Variants in CCDC149 observed in about 807,000 individuals in gnomAD.
The protein encoded by CCDC149 is coiled-coil domain-containing protein 149.
In CCDC149, 45 loss-of-function variants were observed where a neutral mutation model predicts 59.9. That is an observed-to-expected ratio of 0.75 (90% confidence interval 0.59 to 0.96). CCDC149 has a LOEUF of 0.96. Among genes scored for constraint, CCDC149 ranks in the 40% least tolerant of loss-of-function variants. The probability of loss-of-function intolerance (pLI) is 0.00; values close to 1 mark genes in which losing one functional copy is unlikely to be tolerated. For missense variants in CCDC149, 584 were observed against 664.7 expected (o/e 0.88, Z 1.33); for synonymous variants, 245 against 260.6 (o/e 0.94, Z 0.58).
chr4:24,827,290 C>T (rs1039106163), intron 9 of CCDC149: 8 of 152,254 alleles, frequency 5.3e-5, no homozygotes, highest in Non-Finnish European at 1.0e-4. Flanking sequence ...CCTGAAGACG[C>T]CCCTGCTTGC....
intron 3 of CCDC149, among the ~76,000 whole-genome samples, chr4:24,861,883 C>T (rs1718412049): frequency 6.6e-6 from 1 of 152,094 alleles, no homozygotes; most frequent in African/African-American, 2.4e-5. Flanking sequence ...CTAAATGATG[C>T]CACTTTGGCA....
chr4:24,825,889 A>T (rs1044671394), intron 9 of CCDC149, among the ~76,000 whole-genome samples: 6 of 152,184 alleles, frequency 3.9e-5, no homozygotes, highest in Admixed American at 3.3e-4. Flanking sequence ...CCTACCTGCC[A>T]TATTGAGAAC....
intron 1 of CCDC149, among the ~76,000 whole-genome samples, chr4:24,922,851 C>T (rs1337406672): frequency 1.3e-5 from 2 of 152,082 alleles, no homozygotes; most frequent in East Asian, 1.9e-4. Context: ...TCTCAGATGC[C>T]GTGTCCTCGA....
intron 11 of CCDC149, 35 bp downstream of exon 11, chr4:24,821,020 T>C: frequency 8.3e-7 from 1 of 1,200,016 alleles, no homozygotes; most frequent in Non-Finnish European, 1.0e-6. Context: ...CTGCTGATAT[T>C]AGCCACAAAA....
chr4:24,943,674 C>A (rs1344778720), intron 1 of CCDC149, among the ~76,000 whole-genome samples: 19 of 152,256 alleles, frequency 1.2e-4, no homozygotes, highest in South Asian at 8.3e-4. Context: ...TCATCTGACA[C>A]AGGGCTAATA....
intron 1 of CCDC149, among the ~76,000 whole-genome samples, chr4:24,882,378 T>C (rs2109263062): frequency 6.6e-6 from 1 of 152,332 alleles, no homozygotes; most frequent in Non-Finnish European, 1.5e-5. Context: ...GAGTTTTCTG[T>C]AAGCTATAGT....
At chr4:24,908,750 C>T (rs1274312973) in intron 1 of CCDC149, among the ~76,000 whole-genome samples, 1 of 152,216 alleles carries the variant, frequency 6.6e-6, no homozygotes, top group Non-Finnish European at 1.5e-5. Context: ...TGGGCGGAGG[C>T]CCATGGTTAA....
At chr4:24,842,478 A>G (rs1330815805) in intron 4 of CCDC149, among the ~76,000 whole-genome samples, 1 of 152,166 alleles carries the variant, frequency 6.6e-6, no homozygotes, top group Admixed American at 6.5e-5. Context: ...AGGGCCATCA[A>G]AACTGCACAG....
chr4:24,955,702 G>T (rs1340718019), intron 1 of CCDC149, among the ~76,000 whole-genome samples: 4 of 152,184 alleles, frequency 2.6e-5, no homozygotes, highest in Non-Finnish European at 4.4e-5. Context: ...AAAGTAGAAG[G>T]GTGGTTGCCA....
chr4:24,877,959 A>G (rs1719569487), intron 1 of CCDC149, among the ~76,000 whole-genome samples: 1 of 152,230 alleles, frequency 6.6e-6, no homozygotes, highest in African/African-American at 2.4e-5. Context: ...GCCCTGTAAA[A>G]GACCAAATTC....
chr4:24,928,903 C>A (rs556674112), intron 1 of CCDC149, among the ~76,000 whole-genome samples: 2 of 152,172 alleles, frequency 1.3e-5, no homozygotes, highest in Non-Finnish European at 2.9e-5. Flanking sequence ...CACACTTCCC[C>A]TTTTCAGGTG....
intron 1 of CCDC149, among the ~76,000 whole-genome samples, chr4:24,943,674 C>T (rs1344778720): frequency 1.3e-4 from 20 of 152,138 alleles, no homozygotes; most frequent in Non-Finnish European, 2.1e-4. Context: ...TCATCTGACA[C>T]AGGGCTAATA....
chr4:24,820,966 A>G, intron 11 of CCDC149, 89 bp downstream of exon 11: 1 of 654,346 alleles, frequency 1.5e-6, no homozygotes, highest in Middle Eastern at 4.7e-4. Context: ...GGAAAGGTAG[A>G]TAATGCATTT....
chr4:24,837,421 C>T lies in CCDC149; in HGVS notation c.490-21G>A. 2 of 1,612,526 alleles carry T rather than the reference C, an allele frequency of 1.2e-6. No individual in the cohort carries two copies. The highest frequency in any genetic ancestry group is 1.7e-6 in the Non-Finnish European group (2 of 1,179,058). ...TCAATCTAAAACCACAGGGAGAGCC[C>T]TTACTCAAGATGTTCCTCAGGCTCC... On this transcript the variant is annotated intron_variant, in intron 5 of 12. Transcript: ENST00000635206. The surrounding 1 kb of genome is among the most constrained non-coding windows in gnomAD (Gnocchi z 4.3).
chr4:24,845,738 C>G lies in CCDC149; in HGVS notation c.372+7334G>C, dbSNP rs548986189. ...ACATGTTGAAATGAATTGACCGAAC[C>G]AGCCTCCATGAGGCAAGTACTACTG... is the stretch of plus-strand genomic sequence containing the variant. On this transcript the variant is annotated intron_variant, in intron 4 of 12. Coordinates refer to ENST00000635206, the MANE Select transcript of CCDC149 (RefSeq NM_001330643.2). Among the ~76,000 whole-genome samples, 100 of 152,288 alleles carry G rather than the reference C, an allele frequency of 6.6e-4. 1 individual carries two copies. In the Middle Eastern group the frequency reaches 0.01, roughly 16 times the overall value.
intron 9 of CCDC149, among the ~76,000 whole-genome samples, chr4:24,825,767 C>T (rs1020792308): frequency 1.9e-4 from 29 of 149,126 alleles, no homozygotes; most frequent in Non-Finnish European, 2.8e-4. Flanking sequence ...AGCAAGACTC[C>T]GTCTCAAAAA....
chr4:24,901,875 C>T (rs967688348), intron 1 of CCDC149, among the ~76,000 whole-genome samples: 3 of 152,224 alleles, frequency 2.0e-5, no homozygotes, highest in African/African-American at 4.8e-5. Context: ...CTGTAGGGGT[C>T]TTCCTTTAGA....
At chr4:24,828,157 G>A (rs989421716) in intron 9 of CCDC149, 1 of 151,846 alleles carries the variant, frequency 6.6e-6, no homozygotes, top group Non-Finnish European at 1.5e-5. Flanking sequence ...TGGCACATTA[G>A]GCAACTTATG....
chr4:24,971,157 C>A (rs573686696), intron 1 of CCDC149, among the ~76,000 whole-genome samples: 2 of 152,328 alleles, frequency 1.3e-5, no homozygotes, highest in East Asian at 3.9e-4. Context: ...TGGTCAAGAC[C>A]CTTACTGACG....
Sources: gnomAD v4.1 joint callset for allele counts (sites outside exome capture counted in the v4.1 genomes callset) on GRCh38, gnomAD v4.1.1 for gene constraint, Gnocchi (gnomAD v3.1) non-coding constraint, MANE v1.5 for transcripts, NCBI Gene and HGNC (gene_info 2026-07-23, HGNC 2026-07-21) for gene names.